DUSP4: variants seen among roughly 807,000 people sequenced by gnomAD.
The protein encoded by DUSP4 is dual specificity phosphatase 4.
A neutral mutation model predicts 27.2 loss-of-function variants in DUSP4; 12 were observed. That is an observed-to-expected ratio of 0.44 (90% CI 0.28 to 0.71). The LOEUF (loss-of-function observed/expected upper bound fraction) is 0.71. Among genes scored for constraint, DUSP4 ranks in the 30% least tolerant of loss-of-function variants. The pLI is 0.14. For synonymous variants in DUSP4, 257 were observed against 245.2 expected, an observed-to-expected ratio of 1.05 and a Z score of -0.45; for missense variants, 448 against 551.3, an observed-to-expected ratio of 0.81 and a Z score of 1.88.
At position 29,337,329 on chromosome 8, in the gene DUSP4, G is replaced by A. The variant is rs760374334; in HGVS notation, c.882C>T (p.Tyr294=). The change falls in exon 4 of 4, where the codon TAC becomes TAT. Residue 294 remains tyrosine, a synonymous_variant. Coordinates refer to ENST00000240100, the MANE Select transcript of DUSP4 (RefSeq NM_001394.7). The surrounding 1 kb of genome is among the most constrained non-coding windows in gnomAD (Gnocchi z 6.4). ...GCCTCACCCGTTTCTTCATCATCAG[G>A]TAGGCCAGGCAGATGGTGGCCGACC... ...ISRSATICLA[Y]LMMKKRVRLE... The A allele has an allele frequency of 1.9e-6, 3 of 1,612,460 alleles. No homozygotes were observed. The highest frequency in any genetic ancestry group is 2.5e-6 in the Non-Finnish European group (3 of 1,179,992).
In DUSP4 at chr8:29,337,431, GGTTAGTGCAC is replaced by G. The variant is rs1319316159; in HGVS notation, c.800-30_800-21del. On this transcript the variant is annotated intron_variant, in intron 3 of 3. Transcript: ENST00000240100. This position sits in a 1 kb window ranked among gnomAD's most constrained non-coding sequence, Gnocchi z 6.4. The stretch of plus-strand genomic sequence containing the variant: ...CGGCATCTGGGGACAGGGTTCAATA[GGTTAGTGCAC>G]GTTTCTGCAGACCCCAGCCCCGACC... 1 of 1,582,140 alleles carries G rather than the reference GGTTAGTGCAC, an allele frequency of 6.3e-7. No homozygotes were observed. Among genetic ancestry groups the G allele is most frequent in the Non-Finnish European group, 8.6e-7 (1 of 1,167,846 alleles).
In DUSP4 at chr8:29,337,242, G is replaced by T; in HGVS notation, c.969C>A (p.Phe323Leu). Residue 323 changes from phenylalanine to leucine, a missense_variant, in exon 4 of 4, where the codon TTC becomes TTA. Physicochemically the swap from Phe to Leu is conservative, Grantham distance 22. Coordinates refer to ENST00000240100, the MANE Select transcript of DUSP4 (RefSeq NM_001394.7). This position sits in a 1 kb window ranked among gnomAD's most constrained non-coding sequence, Gnocchi z 6.4. Reference sequence around the variant, plus strand: ...ACTCGAACTGCAGCAGCTGCCCCATGAAGCTGAAGTTGGGCGAGATGATGC... The same window carrying T: ...ACTCGAACTGCAGCAGCTGCCCCATTAAGCTGAAGTTGGGCGAGATGATGC... ...RRSIISPNFS[F>L]MGQLLQFESQ... 1.2e-6 allele frequency: 2 copies of T among 1,613,836 alleles called. No homozygotes were observed. The highest frequency in any genetic ancestry group is 1.7e-6 in the Non-Finnish European group (2 of 1,179,986).
rs1053928595 is a variant in DUSP4 at position 29,336,041 on chromosome 8, G to A, written c.*985C>T. 3 of 152,130 alleles carry A rather than the reference G, an allele frequency of 2.0e-5. No homozygotes were observed. Among genetic ancestry groups the A allele is most frequent in the Non-Finnish European group, 4.4e-5 (3 of 68,034 alleles). 9.4% of individuals were successfully genotyped at this position (152,130 alleles called of 1,614,324 possible). On this transcript the variant is annotated 3_prime_UTR_variant, in exon 4 of 4. Transcript: ENST00000240100. ...GTGGGAGGATCTCTTGAGCCCAAGAGCTTGAGATGAGCCTTGGCAACATAG... is the reference window on the plus strand; with the variant it reads ...GTGGGAGGATCTCTTGAGCCCAAGAACTTGAGATGAGCCTTGGCAACATAG...
intron 1 of DUSP4, chr8:29,345,657 C>T (rs1033303754): frequency 3.6e-5 from 53 of 1,460,072 alleles, no homozygotes; most frequent in Admixed American, 1.2e-4. Flanking sequence ...CTCTCTCCCT[C>T]ATTTTTCTGA....
intron 1 of DUSP4, chr8:29,348,420 G>C (rs1435272944): frequency 6.1e-6 from 6 of 985,598 alleles, no homozygotes; most frequent in Non-Finnish European, 7.2e-6. Context: ...AGCGCTTTGG[G>C]GAGAAGGGAG....
Position 29,341,793 on chromosome 8 carries a change from A to G in DUSP4, c.434-1550T>C, listed in dbSNP as rs1158179042. ...GAAGAGGAAGGAAATATCTGTCTGC[A>G]GCTGAAGTCCTTCAGGGGCTTCTGT... is the stretch of plus-strand genomic sequence containing the variant. On this transcript the variant is annotated intron_variant, in intron 1 of 3. Coordinates refer to ENST00000240100, the MANE Select transcript of DUSP4 (RefSeq NM_001394.7). Among the ~76,000 whole-genome samples, 5 of 152,222 alleles carry G rather than the reference A, an allele frequency of 3.3e-5. No homozygotes were observed. In the South Asian group the frequency reaches 8.3e-4, roughly 25 times the overall value.
Position 29,340,902 on chromosome 8 carries a change from T to A in DUSP4, c.434-659A>T, listed in dbSNP as rs140696570. On this transcript the variant is annotated intron_variant, in intron 1 of 3. Transcript: ENST00000240100. ...AGCCCTGGAATGGTTATCTGTGGGA[T>A]CATCTTCCAGAGAAGGGAGATCTTT... Among the ~76,000 whole-genome samples, 33 of 152,160 alleles carry A rather than the reference T, an allele frequency of 2.2e-4. 1 individual carries two copies. The East Asian group carries it at 6.0e-3, about 28-fold the overall frequency.
intron 1 of DUSP4, among the ~76,000 whole-genome samples, chr8:29,340,767 C>G (rs951657654): frequency 1.3e-5 from 2 of 152,158 alleles, no homozygotes; most frequent in Non-Finnish European, 2.9e-5. Flanking sequence ...AATAGCTGTT[C>G]CGTCACCAAG....
At chr8:29,347,239 G>C (rs1192147029) in intron 1 of DUSP4, among the ~76,000 whole-genome samples, 1 of 152,210 alleles carries the variant, frequency 6.6e-6, no homozygotes, top group Non-Finnish European at 1.5e-5. Context: ...GCATGGAAGG[G>C]AGGTGTATCT....
At chr8:29,345,723 C>T in intron 1 of DUSP4, 1 of 1,370,450 alleles carries the variant, frequency 7.3e-7, no homozygotes, top group Non-Finnish European at 9.3e-7. Context: ...AGGATAAGCC[C>T]AAGGAAGTTG....
intron 1 of DUSP4, among the ~76,000 whole-genome samples, chr8:29,343,932 C>A (rs1332081090): frequency 6.6e-6 from 1 of 152,186 alleles, no homozygotes; most frequent in African/African-American, 2.4e-5. Context: ...ATGCAAGTAC[C>A]ATAGCCACAG....
In DUSP4 at chr8:29,350,054, C is replaced by T; in HGVS notation, c.225G>A (p.Arg75=). 1 of 1,598,636 alleles carries T rather than the reference C, an allele frequency of 6.3e-7. No homozygotes were observed. The highest frequency in any genetic ancestry group is 8.5e-7 in the Non-Finnish European group (1 of 1,174,182). The change falls in exon 1 of 4, where the codon CGG becomes CGA. Residue 75 remains arginine (R), a synonymous_variant. Coordinates refer to ENST00000240100, the MANE Select transcript of DUSP4 (RefSeq NM_001394.7). ...CCAGGCTCACGGAGCCCTTAGCCCG[C>T]CGCCGCACGATGGTGTTACAGCGCA... The part of the protein sequence containing the change: ...VNVRCNTIVR[R]RAKGSVSLEQ...
Position 29,337,333 on chromosome 8 carries a change from G to A in DUSP4, c.878C>T (p.Ala293Val). 1 of 1,612,310 alleles carries A rather than the reference G, an allele frequency of 6.2e-7. No individual in the cohort carries two copies. The change falls in exon 4 of 4, where the codon GCC becomes GTC. Residue 293 changes from alanine to valine, a missense_variant. Physicochemically the swap from Ala to Val is moderately conservative, Grantham distance 64. Coordinates refer to ENST00000240100, the MANE Select transcript of DUSP4 (RefSeq NM_001394.7). The surrounding 1 kb of genome is among the most constrained non-coding windows in gnomAD (Gnocchi z 6.4). ...CACCCGTTTCTTCATCATCAGGTAGGCCAGGCAGATGGTGGCCGACCGCGA... is the reference window on the plus strand; with the variant it reads ...CACCCGTTTCTTCATCATCAGGTAGACCAGGCAGATGGTGGCCGACCGCGA... ...GISRSATICLAYLMMKKRVRL... is the reference protein window; with the variant it reads ...GISRSATICLVYLMMKKRVRL...
intron 2 of DUSP4, 50 bp downstream of exon 2, chr8:29,340,048 C>T: frequency 3.2e-6 from 5 of 1,542,914 alleles, no homozygotes; most frequent in Non-Finnish European, 3.5e-6. Flanking sequence ...ATCCACTGGC[C>T]CCTACGCTGT....
intron 1 of DUSP4, chr8:29,347,777 G>A (rs1817756167): frequency 1.0e-6 from 1 of 985,368 alleles, no homozygotes. Flanking sequence ...CCCACCAGAG[G>A]GCTGTCATTT....
At chr8:29,341,650 T>C (rs1198349665) in intron 1 of DUSP4, among the ~76,000 whole-genome samples, 1 of 152,168 alleles carries the variant, frequency 6.6e-6, no homozygotes, top group African/African-American at 2.4e-5. Context: ...GCCTCGGTCA[T>C]GCTGGTGGCC....
At chr8:29,345,577 G>A (rs761120721) in intron 1 of DUSP4, 13 of 1,517,886 alleles carry the variant, frequency 8.6e-6, no homozygotes, top group African/African-American at 5.7e-5. Context: ...TAAGGAAATC[G>A]GCTCTCTGGT....
chr8:29,340,216 T>C lies in DUSP4; in HGVS notation c.461A>G (p.Tyr154Cys), dbSNP rs760596240. 6 of 1,612,802 alleles carry C rather than the reference T, an allele frequency of 3.7e-6. No homozygotes were observed. In the South Asian group the frequency reaches 4.4e-5, roughly 12 times the overall value. Reference sequence around the variant, plus strand: ...CTTGGTTTTAGAACAGAATTCTGGGTACTCGGAGGAAAACCTCTCATAGCC... The same window carrying C: ...CTTGGTTTTAGAACAGAATTCTGGGCACTCGGAGGAAAACCTCTCATAGCC... ...KGGYERFSSE[Y>C]PEFCSKTKAL... Residue 154 changes from tyrosine to cysteine, a missense_variant, in exon 2 of 4, where the codon TAC becomes TGC. Physicochemically the swap from Tyr to Cys is radical, Grantham distance 194. Coordinates refer to ENST00000240100, the MANE Select transcript of DUSP4 (RefSeq NM_001394.7).
At chr8:29,347,658 G>T in intron 1 of DUSP4, 4 of 773,984 alleles carry the variant, frequency 5.2e-6, no homozygotes, top group Non-Finnish European at 6.3e-6. Context: ...TTGAGATGCA[G>T]AAGATGATTC....
Sources: gnomAD v4.1 joint callset for allele counts (sites outside exome capture counted in the v4.1 genomes callset) on GRCh38, gnomAD v4.1.1 for gene constraint, Gnocchi (gnomAD v3.1) non-coding constraint, MANE v1.5 for transcripts, NCBI Gene and HGNC (gene_info 2026-07-23, HGNC 2026-07-21) for gene names.